GPM6A: variants seen among roughly 807,000 people sequenced by gnomAD.
GPM6A encodes the protein glycoprotein M6A, also known as neuronal membrane glycoprotein M6-a.
In GPM6A, 7 loss-of-function variants were observed where a neutral mutation model predicts 32.1. The observed-to-expected ratio is 0.22, with a 90% CI of 0.12 to 0.41. The LOEUF is 0.41. Ranked by LOEUF, GPM6A falls within the 10% of genes least tolerant of loss-of-function variation. The pLI is 1.00. For missense variants in GPM6A, 235 were observed against 347.2 expected (o/e 0.68, Z 2.57); for synonymous variants, 130 against 123.4 (o/e 1.05, Z -0.35).
At chr4:175,949,063 T>C (rs72704549) in intron 1 of GPM6A, among the ~76,000 whole-genome samples, 2,283 of 151,620 alleles carry the variant, frequency 0.015, 27 homozygotes, top group South Asian at 0.033. Context: ...TTCCCTTCCA[T>C]GCAACTAAGA....
Position 175,701,649 on chromosome 4 carries a change from A to G in GPM6A, c.156T>C (p.Ser52=). ...AGGTTTGCAGAATGTTGACAGTTCC[A>G]GAAAGCGCTTCATGACCGCAGCCAC... is the stretch of plus-strand genomic sequence containing the variant. ...LFCGCGHEAL[S]GTVNILQTYF... is the part of the protein sequence containing the mutation. The change falls in exon 2 of 7, where the codon TCT becomes TCC. Residue 52 remains serine (S), a synonymous_variant. Transcript: ENST00000393658. 2 of 1,614,118 alleles carry G rather than the reference A, an allele frequency of 1.2e-6. No individual in the cohort carries two copies. The highest frequency in any genetic ancestry group is 2.7e-5 in the African/African-American group (2 of 75,056).
At chr4:175,982,865 G>A (rs1416691294) in intron 1 of GPM6A, among the ~76,000 whole-genome samples, 2 of 152,086 alleles carry the variant, frequency 1.3e-5, no homozygotes, top group Non-Finnish European at 2.9e-5. Context: ...ATCAATTAAT[G>A]TGGTGTATCT....
chr4:175,878,656 G>C (rs1737167205), intron 1 of GPM6A, among the ~76,000 whole-genome samples: 1 of 151,944 alleles, frequency 6.6e-6, no homozygotes, highest in African/African-American at 2.4e-5. Flanking sequence ...TAGGCCTCTG[G>C]GCCTATGATG....
chr4:175,835,179 C>G (rs1414368323), intron 1 of GPM6A, among the ~76,000 whole-genome samples: 2 of 152,120 alleles, frequency 1.3e-5, no homozygotes, highest in African/African-American at 4.8e-5. Context: ...CCGTGCTTCT[C>G]CTTTGGACCC....
At chr4:175,853,064 A>C (rs192375907) in intron 1 of GPM6A, among the ~76,000 whole-genome samples, 95 of 152,230 alleles carry the variant, frequency 6.2e-4, no homozygotes, top group Non-Finnish European at 1.1e-3. Flanking sequence ...TGAATCCCAC[A>C]AAAACCTGAT....
chr4:175,766,576 T>C (rs1732975278), intron 1 of GPM6A, among the ~76,000 whole-genome samples: 1 of 152,106 alleles, frequency 6.6e-6, no homozygotes, highest in African/African-American at 2.4e-5. Context: ...TGATCTAATA[T>C]ACCTATCATT....
intron 1 of GPM6A, among the ~76,000 whole-genome samples, chr4:175,985,128 T>C (rs1046617765): frequency 3.3e-5 from 5 of 152,220 alleles, no homozygotes; most frequent in African/African-American, 1.2e-4. Flanking sequence ...GTAGATTCCA[T>C]GAAAACTTTT....
rs569653904 is a variant in GPM6A at position 175,661,301 on chromosome 4, G to T, written c.388-9314C>A. The stretch of plus-strand genomic sequence containing the variant: ...ACATAAAAATTAGCCAGGTGTGGTG[G>T]CAGGGCTCCTGTAATTCCAGCTACT... On this transcript the variant is annotated intron_variant, in intron 3 of 6. Coordinates refer to ENST00000393658, the MANE Select transcript of GPM6A (RefSeq NM_201591.3). Among the ~76,000 whole-genome samples the T allele has an allele frequency of 1.8e-4, 27 of 152,108 alleles. 1 individual carries two copies. The South Asian group carries it at 4.8e-3, about 27-fold the overall frequency.
chr4:175,637,715 T>A (rs1179578352), intron 6 of GPM6A, among the ~76,000 whole-genome samples: 3 of 64,898 alleles, frequency 4.6e-5, no homozygotes, highest in East Asian at 4.4e-4. Flanking sequence ...TTATATATAT[T>A]TATATATAAT....
At chr4:175,919,685 C>T (rs1235630174) in intron 1 of GPM6A, among the ~76,000 whole-genome samples, 2 of 152,188 alleles carry the variant, frequency 1.3e-5, no homozygotes, top group Non-Finnish European at 2.9e-5. Flanking sequence ...CTCACATTAA[C>T]AGAATTCCCA....
chr4:175,705,882 C>G (rs1745160921), intron 1 of GPM6A, among the ~76,000 whole-genome samples: 3 of 152,082 alleles, frequency 2.0e-5, no homozygotes, highest in Admixed American at 2.0e-4. Flanking sequence ...ATTTTCAATA[C>G]TAGATATTAT....
chr4:175,941,497 G>A (rs1398976690), intron 1 of GPM6A, among the ~76,000 whole-genome samples: 1 of 152,086 alleles, frequency 6.6e-6, no homozygotes, highest in East Asian at 1.9e-4. Flanking sequence ...CCATCAACCT[G>A]TCATCTACAT....
Position 175,892,556 on chromosome 4 carries a change from T to C in GPM6A, c.-22-80307A>G, listed in dbSNP as rs937969435. 8.6e-4 allele frequency among the ~76,000 whole-genome samples: 131 copies of C among 152,306 alleles called. 1 individual carries two copies. Among genetic ancestry groups the C allele is most frequent in the African/African-American group, 2.8e-3 (118 of 41,572 alleles). ...CTTTCATTCCTTTATTCAATAAATA[T>C]TTTCATCCACTTTGTAAGAGAGAGT... On this transcript the variant is annotated intron_variant, in intron 1 of 7. Coordinates refer to the GPM6A transcript ENST00000280187.
chr4:175,883,609 A>T (rs1737350968), intron 1 of GPM6A, among the ~76,000 whole-genome samples: 1 of 152,170 alleles, frequency 6.6e-6, no homozygotes, highest in Admixed American at 6.5e-5. Flanking sequence ...GACTTACTTG[A>T]AAGTTTCCTA....
chr4:175,920,080 G>A (rs1044253070), intron 1 of GPM6A, among the ~76,000 whole-genome samples: 4 of 152,218 alleles, frequency 2.6e-5, no homozygotes, highest in Admixed American at 2.0e-4. Flanking sequence ...CTTGGCTTAC[G>A]CCATCAATTG....
chr4:175,823,762 C>T, intron 1 of GPM6A, among the ~76,000 whole-genome samples: 1 of 152,168 alleles, frequency 6.6e-6, no homozygotes, highest in East Asian at 1.9e-4. Context: ...TTAAAGTGTA[C>T]TCTTACATTT....
chr4:175,866,216 C>G (rs79424776), intron 1 of GPM6A, among the ~76,000 whole-genome samples: 281 of 152,190 alleles, frequency 1.8e-3, no homozygotes, highest in Admixed American at 1.6e-3. Context: ...TAGCCTCCCC[C>G]ACTATCAACA....
chr4:175,722,114 C>G (rs1249824767), intron 1 of GPM6A, among the ~76,000 whole-genome samples: 1 of 151,934 alleles, frequency 6.6e-6, no homozygotes. Context: ...AAATAAGACC[C>G]CAATTTTACA....
chr4:175,959,451 C>T (rs1362141447), intron 1 of GPM6A, among the ~76,000 whole-genome samples: 4 of 151,974 alleles, frequency 2.6e-5, no homozygotes, highest in African/African-American at 7.2e-5. Context: ...CACACACACA[C>T]CCCACATACG....
Sources: allele counts gnomAD v4.1 joint callset (sites outside exome capture counted in the v4.1 genomes callset), GRCh38; gene constraint gnomAD v4.1.1; transcripts MANE v1.5; gene names NCBI Gene and HGNC (gene_info 2026-07-23, HGNC 2026-07-21).